CRTC1: variants seen among roughly 807,000 people sequenced by gnomAD.
CRTC1 encodes the protein CREB-regulated transcription coactivator 1.
Under a neutral mutation model 66.1 loss-of-function variants are expected in CRTC1, and 18 were observed. That is an observed-to-expected ratio of 0.27 (90% CI 0.19 to 0.40). The LOEUF (loss-of-function observed/expected upper bound fraction) is 0.40. Among genes scored for constraint, CRTC1 ranks in the 10% least tolerant of loss-of-function variants. The pLI is 1.00. For synonymous variants in CRTC1, 416 were observed against 398.8 expected, an observed-to-expected ratio of 1.04 and a Z score of -0.51; for missense variants, 669 against 887.9, an observed-to-expected ratio of 0.75 and a Z score of 3.13.
chr19:18,761,126 G>GCCTC (rs1450193751), intron 8 of CRTC1, among the ~76,000 whole-genome samples: 1 of 152,164 alleles, frequency 6.6e-6, no homozygotes, highest in Non-Finnish European at 1.5e-5. Flanking sequence ...GAGGCTGCAG[G>GCCTC]CCTCCCTCCC....
chr19:18,685,010 C>T (rs1228532039), intron 1 of CRTC1, among the ~76,000 whole-genome samples: 2 of 151,412 alleles, frequency 1.3e-5, no homozygotes, highest in African/African-American at 4.8e-5. Context: ...ATCCTGGGGC[C>T]TTGGGGAGGG....
intron 3 of CRTC1, among the ~76,000 whole-genome samples, chr19:18,746,196 A>G (rs1355668931): frequency 6.6e-6 from 1 of 152,160 alleles, no homozygotes; most frequent in Non-Finnish European, 1.5e-5. Context: ...GGCACAGGGA[A>G]CAGCTCTCAA....
intron 1 of CRTC1, among the ~76,000 whole-genome samples, chr19:18,709,741 G>A (rs1263256558): frequency 3.9e-5 from 6 of 152,170 alleles, no homozygotes; most frequent in East Asian, 1.9e-4. Flanking sequence ...AGCCTGGAAC[G>A]CAGCCAGGAT....
intron 1 of CRTC1, among the ~76,000 whole-genome samples, chr19:18,704,226 C>T (rs1222216132): frequency 2.0e-5 from 3 of 152,122 alleles, no homozygotes; most frequent in Non-Finnish European, 4.4e-5. Flanking sequence ...AATCTTTCCA[C>T]CTCAGCCTTT....
At position 18,749,741 on chromosome 19, in the gene CRTC1, T is replaced by A. The variant is rs200325550; in HGVS notation, c.444-40T>A. 33 of 1,542,184 alleles carry A rather than the reference T, an allele frequency of 2.1e-5. No homozygotes were observed. In the East Asian group the frequency reaches 6.1e-4, roughly 28 times the overall value. ...GATCAGGACTATCGCATTGTCTGCC[T>A]TGGGCTGAGGCTCATTGTCTCTTCC... is the stretch of plus-strand genomic sequence containing the variant. On this transcript the variant is annotated intron_variant, in intron 4 of 13. Coordinates refer to ENST00000321949, the MANE Select transcript of CRTC1 (RefSeq NM_015321.3).
In CRTC1 at chr19:18,775,751, C is replaced by T. The variant is rs985853392; in HGVS notation, c.1623C>T (p.His541=). 16 of 1,612,220 alleles carry T rather than the reference C, an allele frequency of 9.9e-6. No individual in the cohort carries two copies. The highest frequency in any genetic ancestry group is 1.7e-4 in the Middle Eastern group (1 of 6,040). ...QAAMMGLTGS[H]GSLPDSQQLG... ...CCATGATGGGCCTCACGGGCAGCCACGGGAGCCTGCCGGACTCGCAGCAAC... is the reference window on the plus strand; with the variant it reads ...CCATGATGGGCCTCACGGGCAGCCATGGGAGCCTGCCGGACTCGCAGCAAC... Residue 541 remains histidine, a synonymous_variant, in exon 13 of 14, where the codon CAC becomes CAT. Transcript: ENST00000321949.
rs774722359 is a variant in CRTC1 at position 18,765,532 on chromosome 19, C to T, written c.1011+4C>T. 13 of 1,599,852 alleles carry T rather than the reference C, an allele frequency of 8.1e-6. No homozygotes were observed. Among genetic ancestry groups the T allele is most frequent in the South Asian group, 3.3e-5 (3 of 90,410 alleles). On this transcript the variant is annotated splice_donor_region_variant and intron_variant, in intron 9 of 13. Transcript: ENST00000321949. ...CCCGCTGTCACCCATCACTCAGGTG[C>T]GAGGGCAAGGTGGGGGGCAGGTGGG... is the stretch of plus-strand genomic sequence containing the variant.
chr19:18,759,421 C>A, intron 6 of CRTC1, 130 bp from the exon 7 acceptor site: 1 of 966,808 alleles, frequency 1.0e-6, no homozygotes, highest in Non-Finnish European at 1.5e-6. Flanking sequence ...GCGGCCCCAG[C>A]AAGCTTGGTT....
At chr19:18,725,181 TGCCCCTGCCTG>T (rs1297589482) in intron 1 of CRTC1, among the ~76,000 whole-genome samples, 1 of 152,184 alleles carries the variant, frequency 6.6e-6, no homozygotes, top group East Asian at 1.9e-4. Flanking sequence ...TGCTCCCTAG[TGCCCCTGCCTG>T]GCCCCTCATG....
intron 1 of CRTC1, among the ~76,000 whole-genome samples, chr19:18,723,077 A>T (rs1419853670): frequency 3.3e-5 from 5 of 151,946 alleles, no homozygotes; most frequent in African/African-American, 1.2e-4. Context: ...AGTACCTGGG[A>T]TTACAGGCAT....
At chr19:18,746,009 C>A in intron 3 of CRTC1, 49 bp downstream of exon 3, 1 of 1,556,224 alleles carries the variant, frequency 6.4e-7, no homozygotes, top group South Asian at 1.2e-5. Flanking sequence ...CCTGTCGGTG[C>A]CGGCAGGACC....
chr19:18,683,865 C>A, intron 1 of CRTC1, 37 bp downstream of exon 1: 1 of 1,058,860 alleles, frequency 9.4e-7, no homozygotes, highest in Non-Finnish European at 1.2e-6. Flanking sequence ...TCAGGGCCGG[C>A]GGAGGGAGGG....
At chr19:18,749,118 C>T (rs1470979757) in intron 4 of CRTC1, among the ~76,000 whole-genome samples, 1 of 152,286 alleles carries the variant, frequency 6.6e-6, no homozygotes, top group East Asian at 1.9e-4. Flanking sequence ...GCTTTCTCCC[C>T]ATCAGTTCCT....
intron 9 of CRTC1, among the ~76,000 whole-genome samples, chr19:18,766,911 C>T (rs538693034): frequency 2.0e-5 from 3 of 152,042 alleles, no homozygotes; most frequent in African/African-American, 7.2e-5. Context: ...TTTTTAATTC[C>T]TCTTTAAAAG....
intron 1 of CRTC1, among the ~76,000 whole-genome samples, chr19:18,721,232 C>T (rs1041239213): frequency 3.4e-5 from 5 of 145,734 alleles, no homozygotes; most frequent in Admixed American, 1.4e-4. Flanking sequence ...CTCGCTCTGT[C>T]GTCCAGGCTG....
intron 1 of CRTC1, among the ~76,000 whole-genome samples, chr19:18,732,456 A>G (rs929765915): frequency 1.4e-4 from 22 of 152,266 alleles, no homozygotes; most frequent in Non-Finnish European, 2.5e-4. Flanking sequence ...TCCAGCCTCC[A>G]GAAGGAAGGC....
intron 5 of CRTC1, among the ~76,000 whole-genome samples, chr19:18,752,321 ATAT>A (rs1165530657): frequency 6.6e-6 from 1 of 151,856 alleles, no homozygotes; most frequent in South Asian, 2.1e-4. Context: ...CTGCTGTTTT[ATAT>A]TATTTTATTT....
At chr19:18,745,725 G>C in intron 2 of CRTC1, 98 bp from the exon 3 acceptor site, 1 of 1,497,226 alleles carries the variant, frequency 6.7e-7, no homozygotes, top group Non-Finnish European at 9.2e-7. Context: ...TCCAGAGTGG[G>C]GGGCCCTGCG....
intron 1 of CRTC1, among the ~76,000 whole-genome samples, chr19:18,727,581 A>AAAAAAAAG (rs796968112): frequency 4.7e-4 from 32 of 68,216 alleles, no homozygotes; most frequent in African/African-American, 2.0e-3. Flanking sequence ...ACTCTGTCTC[A>AAAAAAAAG]AAAAAAAAAA....
Sources: allele counts gnomAD v4.1 joint callset (sites outside exome capture counted in the v4.1 genomes callset), GRCh38; gene constraint gnomAD v4.1.1; transcripts MANE v1.5; gene names NCBI Gene and HGNC (gene_info 2026-07-23, HGNC 2026-07-21).